ADAMTS18: variants seen among roughly 807,000 people sequenced by gnomAD.
ADAMTS18 encodes the protein A disintegrin and metalloproteinase with thrombospondin motifs 18.
In ADAMTS18, 157 loss-of-function variants were observed where a neutral mutation model predicts 165.9. The observed-to-expected ratio is 0.95, with a 90% confidence interval of 0.83 to 1.08. The LOEUF is 1.08. Among genes scored for constraint, ADAMTS18 ranks in the 50% least tolerant of loss-of-function variants. The pLI is 0.00. For missense variants in ADAMTS18, 2,040 were observed against 1,534.0 expected (o/e 1.33, Z -5.51); for synonymous variants, 782 against 578.2 (o/e 1.35, Z -5.06).
intron 10 of ADAMTS18, among the ~76,000 whole-genome samples, chr16:77,352,498 C>G (rs1265267380): frequency 6.6e-6 from 1 of 152,060 alleles, no homozygotes; most frequent in African/African-American, 2.4e-5. Flanking sequence ...AGGTCAAAAG[C>G]GGTAATAATT....
intron 3 of ADAMTS18, among the ~76,000 whole-genome samples, chr16:77,425,420 C>A (rs991701570): frequency 6.6e-6 from 1 of 152,142 alleles, no homozygotes; most frequent in African/African-American, 2.4e-5. Context: ...AGACACCGGG[C>A]AGAAGATCCA....
chr16:77,427,149 G>C (rs1444880528), intron 3 of ADAMTS18, among the ~76,000 whole-genome samples: 1 of 152,128 alleles, frequency 6.6e-6, no homozygotes, highest in Non-Finnish European at 1.5e-5. Flanking sequence ...ACACCTTCCT[G>C]TGTCCAGCCT....
rs532091738 is a variant in ADAMTS18 at position 77,297,501 on chromosome 16, T to C, written c.2675-86A>G. ...AAGTTTAGCTTCTGATTTACCAGCA[T>C]TGTGATATTTTATTTCAGATATGGA... On this transcript the variant is annotated intron_variant, in intron 17 of 22. Coordinates refer to ENST00000282849, the MANE Select transcript of ADAMTS18 (RefSeq NM_199355.4). 77 of 1,366,198 alleles carry C rather than the reference T, an allele frequency of 5.6e-5. 2 individuals are homozygous for C. The East Asian group carries it at 9.0e-4, about 16-fold the overall frequency. The allele number at this position is 1,366,198 out of a possible 1,614,324, so 84.6% of individuals were successfully genotyped here.
intron 16 of ADAMTS18, among the ~76,000 whole-genome samples, chr16:77,315,869 G>A (rs530980763): frequency 2.6e-5 from 4 of 152,118 alleles, no homozygotes; most frequent in African/African-American, 9.6e-5. Flanking sequence ...ACACTCAACC[G>A]CCTACTTGAC....
intron 4 of ADAMTS18, 60 bp from the exon 5 acceptor site, chr16:77,364,441 G>T: frequency 1.3e-6 from 2 of 1,557,072 alleles, no homozygotes; most frequent in South Asian, 1.1e-5. Flanking sequence ...TAAGACAGTT[G>T]AGAGAGAAAC....
At position 77,300,273 on chromosome 16, in the gene ADAMTS18, G is replaced by A; in HGVS notation, c.2664C>T (p.Ser888=). The A allele has an allele frequency of 1.2e-6, 2 of 1,614,126 alleles. No homozygotes were observed. Among genetic ancestry groups the A allele is most frequent in the Non-Finnish European group, 1.7e-6 (2 of 1,179,970 alleles). The change falls in exon 17 of 23, where the codon TCC becomes TCT. Residue 888 remains serine, a synonymous_variant. Transcript: ENST00000282849. ...GAGAAAATCATCTACCTCCACCACA[G>A]GAGACGGAGCACTCTGACTGCACGA... ...WSIVQSECSV[S]CGGGYINVKA... is the part of the protein sequence containing the mutation.
intron 3 of ADAMTS18, among the ~76,000 whole-genome samples, chr16:77,417,180 T>G (rs1046682793): frequency 6.6e-6 from 1 of 152,114 alleles, no homozygotes; most frequent in Non-Finnish European, 1.5e-5. Context: ...AACTATCATT[T>G]TGGCATTCTT....
intron 12 of ADAMTS18, among the ~76,000 whole-genome samples, chr16:77,331,516 G>T (rs542164568): frequency 5.3e-5 from 8 of 152,170 alleles, no homozygotes; most frequent in African/African-American, 9.6e-5. Context: ...ACAATAACCT[G>T]GTATAAGTTG....
chr16:77,284,130 T>G, intron 22 of ADAMTS18, 59 bp from the exon 23 acceptor site: 6 of 1,265,008 alleles, frequency 4.7e-6, no homozygotes, highest in Non-Finnish European at 4.6e-6. Context: ...TTTCTTTTTT[T>G]TTTTTTTTGA....
intron 4 of ADAMTS18, among the ~76,000 whole-genome samples, chr16:77,366,036 C>A (rs1310401259): frequency 6.6e-6 from 1 of 152,162 alleles, no homozygotes. Flanking sequence ...TAAATGGATG[C>A]CCCTTAATGG....
chr16:77,323,491 T>G (rs2056040168), intron 13 of ADAMTS18, among the ~76,000 whole-genome samples: 1 of 151,976 alleles, frequency 6.6e-6, no homozygotes, highest in Non-Finnish European at 1.5e-5. Flanking sequence ...GATTAGGGAG[T>G]TGGATGACAT....
intron 7 of ADAMTS18, among the ~76,000 whole-genome samples, chr16:77,360,557 T>C (rs973898734): frequency 1.4e-5 from 2 of 142,252 alleles, no homozygotes; most frequent in Admixed American, 7.0e-5. Flanking sequence ...GATAACACTG[T>C]CTGCTTCTCA....
rs1824659659 is a variant in ADAMTS18 at position 77,364,008 on chromosome 16, C to A, written c.973-123G>T. ...TACCAAATATATGTACATATAAATA[C>A]AATTTCCTCAAAACTCAACTTAAAA... On this transcript the variant is annotated intron_variant, in intron 5 of 22. Transcript: ENST00000282849. The A allele has an allele frequency of 9.9e-6, 12 of 1,208,840 alleles. No individual in the cohort carries two copies. The Middle Eastern group carries it at 6.2e-4, about 62-fold the overall frequency. 74.9% of individuals were successfully genotyped at this position (1,208,840 alleles called of 1,614,324 possible). A position where few individuals can be genotyped will look rare whatever the true frequency, so the allele number is the denominator to read the frequency against.
intron 22 of ADAMTS18, among the ~76,000 whole-genome samples, chr16:77,288,607 C>T (rs1449521853): frequency 6.6e-6 from 1 of 152,094 alleles, no homozygotes; most frequent in Admixed American, 6.6e-5. Context: ...AATACATATT[C>T]ACTGATGACT....
chr16:77,387,455 G>A (rs998337026), intron 3 of ADAMTS18, among the ~76,000 whole-genome samples: 5 of 152,152 alleles, frequency 3.3e-5, no homozygotes, highest in Admixed American at 6.5e-5. Context: ...CAGCTTCTTG[G>A]AAACAATCTC....
At position 77,373,465 on chromosome 16, in the gene ADAMTS18, G is replaced by GAA. The variant is rs371326389; in HGVS notation, c.496-5744_496-5743dup. On this transcript the variant is annotated intron_variant, in intron 3 of 22. Transcript: ENST00000282849. ...CAGGGCAAGACCCTGCCTCAAAAAA[G>GAA]AAAAAAAAAAAAAAGAAAGAAAAGA... Among the ~76,000 whole-genome samples, 392 of 78,212 alleles carry GAA rather than the reference G, an allele frequency of 5.0e-3. 5 individuals are homozygous for GAA. Among genetic ancestry groups the GAA allele is most frequent in the African/African-American group, 0.014 (338 of 23,480 alleles). 51.3% of individuals were successfully genotyped at this position (78,212 alleles called of 152,430 possible).
chr16:77,303,892 T>C (rs2079817645), intron 16 of ADAMTS18, among the ~76,000 whole-genome samples: 1 of 152,098 alleles, frequency 6.6e-6, no homozygotes, highest in South Asian at 2.1e-4. Context: ...AAGCCAGGCC[T>C]GGTGGTGGGC....
At chr16:77,351,730 AT>A (rs1038036926) in intron 10 of ADAMTS18, among the ~76,000 whole-genome samples, 3 of 150,586 alleles carry the variant, frequency 2.0e-5, no homozygotes, top group Non-Finnish European at 3.0e-5. Context: ...CAGTCTGTTA[AT>A]TTTTTTTTTC....
At chr16:77,417,729 A>G (rs1183885327) in intron 3 of ADAMTS18, among the ~76,000 whole-genome samples, 1 of 152,246 alleles carries the variant, frequency 6.6e-6, no homozygotes, top group East Asian at 1.9e-4. Flanking sequence ...GCACTAGGCT[A>G]AAACTTAAAG....
Sources: allele counts gnomAD v4.1 joint callset (sites outside exome capture counted in the v4.1 genomes callset), GRCh38; gene constraint gnomAD v4.1.1; transcripts MANE v1.5; gene names NCBI Gene and HGNC (gene_info 2026-07-23, HGNC 2026-07-21).